DPYSL2: variants seen among roughly 807,000 people sequenced by gnomAD.
DPYSL2 encodes dihydropyrimidinase like 2, also known as dihydropyrimidinase-related protein 2.
Under a neutral mutation model 69.9 loss-of-function variants are expected in DPYSL2, and 13 were observed. The observed-to-expected ratio is 0.19, with a 90% CI of 0.12 to 0.30. The LOEUF (loss-of-function observed/expected upper bound fraction) is 0.30, where lower values mean the gene tolerates loss of function less well. Ranked by LOEUF, DPYSL2 falls within the 10% of genes least tolerant of loss-of-function variation. DPYSL2 has a pLI of 1.00. For synonymous variants in DPYSL2, 326 were observed against 359.1 expected, an observed-to-expected ratio of 0.91 and a Z score of 1.04; for missense variants, 587 against 918.9, an observed-to-expected ratio of 0.64 and a Z score of 4.67.
intron 1 of DPYSL2, among the ~76,000 whole-genome samples, chr8:26,557,826 A>C (rs1479803766): frequency 6.6e-6 from 1 of 151,866 alleles, no homozygotes. Context: ...CAACAATGAG[A>C]TACCACTACA....
In DPYSL2 at chr8:26,634,429, T is replaced by A. The variant is rs112588090; in HGVS notation, c.1006-351T>A. Among the ~76,000 whole-genome samples the A allele has an allele frequency of 3.2e-3, 55 of 17,266 alleles. No homozygotes were observed. The South Asian group carries it at 0.033, about 10-fold the overall frequency. The allele number at this position is 17,266 out of a possible 152,430, so 11.3% of individuals were successfully genotyped here. On this transcript the variant is annotated intron_variant, in intron 7 of 13. Coordinates refer to ENST00000521913, the MANE Select transcript of DPYSL2 (RefSeq NM_001197293.3). The stretch of plus-strand genomic sequence containing the variant: ...ACAGTCACCTGCTGCCATGCCCAGC[T>A]TTTTTTTTTTTTTTTTTTTTAATTG...
chr8:26,547,872 T>C, intron 1 of DPYSL2: 1 of 299,468 alleles, frequency 3.3e-6, no homozygotes, highest in Non-Finnish European at 7.0e-6. Context: ...TCAATGTGGC[T>C]GATCTGACCT....
At chr8:26,556,341 A>ATATATATAC (rs1563385443) in intron 1 of DPYSL2, among the ~76,000 whole-genome samples, 2 of 9,142 alleles carry the variant, frequency 2.2e-4, no homozygotes, top group Non-Finnish European at 2.5e-4. Flanking sequence ...TATATATAGT[A>ATATATATAC]TATATATATA....
intron 1 of DPYSL2, chr8:26,578,590 G>C: frequency 7.6e-7 from 1 of 1,322,090 alleles, no homozygotes; most frequent in Non-Finnish European, 9.6e-7. Flanking sequence ...TGCAGCGTCG[G>C]CCCGCGGGGT....
chr8:26,655,321 A>T (rs1803360254), intron 13 of DPYSL2, among the ~76,000 whole-genome samples: 1 of 151,828 alleles, frequency 6.6e-6, no homozygotes, highest in Non-Finnish European at 1.5e-5. Context: ...ACATAGCGAA[A>T]CCCCTCTTTA....
At position 26,592,319 on chromosome 8, in the gene DPYSL2, A is replaced by G. The variant is rs571077734; in HGVS notation, c.628+8336A>G. On this transcript the variant is annotated intron_variant, in intron 3 of 13. Coordinates refer to ENST00000521913, the MANE Select transcript of DPYSL2 (RefSeq NM_001197293.3). Reference sequence around the variant, plus strand: ...AGGTGTGCACCACTACACCCGGCTAATTTTTTACTTGTTAGTAGAGATGGG... The same window carrying G: ...AGGTGTGCACCACTACACCCGGCTAGTTTTTTACTTGTTAGTAGAGATGGG... Among the ~76,000 whole-genome samples, 3 of 152,064 alleles carry G rather than the reference A, an allele frequency of 2.0e-5. No individual in the cohort carries two copies. The East Asian group carries it at 5.8e-4, about 29-fold the overall frequency.
chr8:26,519,986 C>T (rs1808359017), intron 1 of DPYSL2, among the ~76,000 whole-genome samples: 1 of 152,164 alleles, frequency 6.6e-6, no homozygotes, highest in Non-Finnish European at 1.5e-5. Flanking sequence ...ACCCAAATCT[C>T]ATCTTGAATT....
chr8:26,592,723 C>T lies in DPYSL2; in HGVS notation c.628+8740C>T, dbSNP rs113720251. On this transcript the variant is annotated intron_variant, in intron 3 of 13. Transcript: ENST00000521913. ...AACTCCTGACCTCAGGTGATCCACCCGCCTCGGCCTCCCAAAGTGCTGGGA... is the reference window on the plus strand; with the variant it reads ...AACTCCTGACCTCAGGTGATCCACCTGCCTCGGCCTCCCAAAGTGCTGGGA... Among the ~76,000 whole-genome samples the T allele has an allele frequency of 1.4e-4, 20 of 146,180 alleles. No homozygotes were observed. The East Asian group carries it at 1.5e-3, about 11-fold the overall frequency.
At chr8:26,542,432 T>C (rs1489910559) in intron 1 of DPYSL2, among the ~76,000 whole-genome samples, 1 of 152,090 alleles carries the variant, frequency 6.6e-6, no homozygotes, top group Non-Finnish European at 1.5e-5. Flanking sequence ...AAAAATTTTT[T>C]TTTTTTGAGG....
rs142334806 is a variant in DPYSL2 at position 26,517,003 on chromosome 8, C to G, written c.354+2324C>G. ...TGACTTGTCATTAGTTGGTTTTCAACGAATGAGTTGGGTGAGTGCCAGCAT... is the reference window on the plus strand; with the variant it reads ...TGACTTGTCATTAGTTGGTTTTCAAGGAATGAGTTGGGTGAGTGCCAGCAT... On this transcript the variant is annotated intron_variant, in intron 1 of 13. Transcript: ENST00000521913. The surrounding 1 kb of genome is among the most constrained non-coding windows in gnomAD (Gnocchi z 4.2). 6.6e-6 allele frequency among the ~76,000 whole-genome samples: 1 copy of G among 152,180 alleles called. No homozygotes were observed. The highest frequency in any genetic ancestry group is 2.4e-5 in the African/African-American group (1 of 41,444).
At chr8:26,622,167 CT>C (rs1802506956) in intron 3 of DPYSL2, among the ~76,000 whole-genome samples, 1 of 74,762 alleles carries the variant, frequency 1.3e-5, no homozygotes, top group Admixed American at 1.5e-4. Context: ...CCCTCTCTCT[CT>C]CTTTCTTTCT....
At chr8:26,576,714 A>G (rs1450349186) in intron 1 of DPYSL2, among the ~76,000 whole-genome samples, 1 of 152,260 alleles carries the variant, frequency 6.6e-6, no homozygotes, top group Non-Finnish European at 1.5e-5. Flanking sequence ...ACTCCGATTC[A>G]GTAGGTTTTC....
chr8:26,603,860 T>C (rs1196464171), intron 3 of DPYSL2, among the ~76,000 whole-genome samples: 1 of 152,220 alleles, frequency 6.6e-6, no homozygotes, highest in Non-Finnish European at 1.5e-5. Context: ...ATAGACCATA[T>C]TCTGTTTATC....
chr8:26,555,082 T>TCTC (rs1800924426), intron 1 of DPYSL2, among the ~76,000 whole-genome samples: 1 of 151,580 alleles, frequency 6.6e-6, no homozygotes, highest in Non-Finnish European at 1.5e-5. Context: ...TAGTGATAGA[T>TCTC]AGAAAGCTAA....
Position 26,529,276 on chromosome 8 carries a change from C to CTATCATCT in DPYSL2, c.354+14597_354+14598insTATCATCT, listed in dbSNP as rs1554531948. ...TCTATCTATCTATCTATCTATCTAT[C>CTATCATCT]ATCTATCTATCTATCTATCTATCTA... On this transcript the variant is annotated intron_variant, in intron 1 of 13. Transcript: ENST00000521913. 3.3e-3 allele frequency among the ~76,000 whole-genome samples: 448 copies of CTATCATCT among 136,294 alleles called. 2 individuals carry two copies. The highest frequency in any genetic ancestry group is 6.9e-3 in the African/African-American group (248 of 36,008). The allele number at this position is 136,294 out of a possible 152,430, so 89.4% of individuals were successfully genotyped here. A position where few individuals can be genotyped will look rare whatever the true frequency, so the allele number is the denominator to read the frequency against.
chr8:26,559,234 C>T (rs953063058), intron 1 of DPYSL2, among the ~76,000 whole-genome samples: 14 of 152,148 alleles, frequency 9.2e-5, no homozygotes, highest in South Asian at 8.3e-4. Context: ...TGAGCCACCA[C>T]GTCCGGCCTA....
Position 26,657,753 on chromosome 8 carries a change from G to A in DPYSL2, c.*2047G>A, listed in dbSNP as rs555089456. 3 of 152,550 alleles carry A rather than the reference G, an allele frequency of 2.0e-5. No homozygotes were observed. In the South Asian group the frequency reaches 6.2e-4, roughly 32 times the overall value. 9.4% of individuals were successfully genotyped at this position (152,550 alleles called of 1,614,324 possible). A position where few individuals can be genotyped will look rare whatever the true frequency, so the allele number is the denominator to read the frequency against. ...CTGTACCGGGTCATGGTAATTTTTG[G>A]TTGTTTTGGTTGTTTTCTTAAAAAA... On this transcript the variant is annotated 3_prime_UTR_variant, in exon 14 of 14. Coordinates refer to ENST00000521913, the MANE Select transcript of DPYSL2 (RefSeq NM_001197293.3).
At chr8:26,530,786 A>C (rs555399745) in intron 1 of DPYSL2, among the ~76,000 whole-genome samples, 9 of 152,348 alleles carry the variant, frequency 5.9e-5, no homozygotes, top group Non-Finnish European at 5.9e-5. Context: ...ATGGTATACC[A>C]GATGGTGGCT....
chr8:26,558,785 AT>A (rs1801029174), intron 1 of DPYSL2, among the ~76,000 whole-genome samples: 2 of 152,176 alleles, frequency 1.3e-5, no homozygotes, highest in African/African-American at 4.8e-5. Flanking sequence ...AAGTCTATTA[AT>A]TTAAAAAGAT....
Sources: allele counts gnomAD v4.1 joint callset (sites outside exome capture counted in the v4.1 genomes callset), GRCh38; gene constraint gnomAD v4.1.1; non-coding constraint Gnocchi (gnomAD v3.1); transcripts MANE v1.5; gene names NCBI Gene and HGNC (gene_info 2026-07-23, HGNC 2026-07-21).